TRAPPC12: variants seen among roughly 807,000 people sequenced by gnomAD.
The protein encoded by TRAPPC12 is trafficking protein particle complex subunit 12.
Under a neutral mutation model 69.2 loss-of-function variants are expected in TRAPPC12, and 61 were observed. The ratio of observed to expected loss-of-function variants is 0.88; its 90% CI spans 0.72 to 1.09. The LOEUF (loss-of-function observed/expected upper bound fraction) is 1.09, where lower values mean the gene tolerates loss of function less well. TRAPPC12 is among the 50% of genes least tolerant of loss of function. The pLI is 0.00. For missense variants in TRAPPC12, 1,101 were observed against 1,016.4 expected (o/e 1.08, Z -1.13); for synonymous variants, 469 against 438.9 (o/e 1.07, Z -0.86).
chr2:3,473,092 AGAG>A (rs904403039), intron 9 of TRAPPC12, among the ~76,000 whole-genome samples: 2 of 152,342 alleles, frequency 1.3e-5, no homozygotes, highest in Non-Finnish European at 1.5e-5. Flanking sequence ...CTTGTCTGGT[AGAG>A]GAGGCTTCTG....
intron 2 of TRAPPC12, among the ~76,000 whole-genome samples, chr2:3,401,567 G>C (rs1171639229): frequency 6.6e-6 from 1 of 152,172 alleles, no homozygotes; most frequent in East Asian, 1.9e-4. Flanking sequence ...AAAATAAAAA[G>C]AATAAAGAGC....
At chr2:3,379,970 G>T (rs12992865) in intron 1 of TRAPPC12, 94 bp downstream of exon 1, 1 of 152,354 alleles carries the variant, frequency 6.6e-6, no homozygotes, top group Non-Finnish European at 1.5e-5. Context: ...AGCCCGGAGG[G>T]ACCTTCTCTG....
intron 3 of TRAPPC12, among the ~76,000 whole-genome samples, chr2:3,411,186 A>C (rs1043562299): frequency 1.3e-5 from 2 of 152,190 alleles, no homozygotes; most frequent in Non-Finnish European, 2.9e-5. Context: ...TGCTATACTT[A>C]GTAGTAACTT....
chr2:3,423,517 C>T (rs530198351), intron 4 of TRAPPC12, among the ~76,000 whole-genome samples: 21 of 152,070 alleles, frequency 1.4e-4, no homozygotes, highest in African/African-American at 4.1e-4. Context: ...TCCCCACCCC[C>T]AGCCCCGGCA....
chr2:3,463,062 G>C (rs901286569), intron 8 of TRAPPC12: 1 of 427,010 alleles, frequency 2.3e-6, no homozygotes, highest in Admixed American at 2.5e-5. Context: ...AAATAGACTT[G>C]TCCCTGGAAG....
At chr2:3,391,911 A>C (rs189490806) in intron 2 of TRAPPC12, among the ~76,000 whole-genome samples, 1 of 151,226 alleles carries the variant, frequency 6.6e-6, no homozygotes, top group East Asian at 1.9e-4. Flanking sequence ...CTTTCTTTCA[A>C]ACCCTCTGTT....
In TRAPPC12 at chr2:3,477,715, T is replaced by C. The variant is rs373854524; in HGVS notation, c.1797T>C (p.Ala599=). The C allele has an allele frequency of 5.6e-6, 9 of 1,606,944 alleles. No homozygotes were observed. The African/African-American group carries it at 1.2e-4, about 22-fold the overall frequency. The change falls in exon 10 of 12, where the codon GCT becomes GCC. Residue 599 remains alanine (A), a synonymous_variant. Transcript: ENST00000324266. ...ISLQIGDIKT[A]EKYFQDVEKV... is the part of the protein sequence containing the mutation. ...AGCAGATTGGAGACATAAAAACAGC[T>C]GAAAAGTATTTTCAAGACGTTGAGA...
chr2:3,388,631 G>C lies in TRAPPC12; in HGVS notation c.1008G>C (p.Glu336Asp). The C allele has an allele frequency of 6.3e-7, 1 of 1,588,682 alleles. No individual in the cohort carries two copies. Among genetic ancestry groups the C allele is most frequent in the Non-Finnish European group, 8.6e-7 (1 of 1,165,584 alleles). Residue 336 changes from glutamate to aspartate, a missense_variant, in exon 2 of 12, where the codon GAG becomes GAC. Glu to Asp is a conservative substitution (Grantham distance 45, BLOSUM62 2). Coordinates refer to ENST00000324266, the MANE Select transcript of TRAPPC12 (RefSeq NM_016030.6). The stretch of plus-strand genomic sequence containing the variant: ...GCGGCGCCGTGTTCGTGGACAAGGA[G>C]AACCTCACCATGCCGGGCCTCAGGT... ...QQRGAVFVDK[E>D]NLTMPGLRFD... is the part of the protein sequence containing the mutation.
intron 1 of TRAPPC12, among the ~76,000 whole-genome samples, chr2:3,381,909 A>G (rs949232722): frequency 6.6e-6 from 1 of 152,186 alleles, no homozygotes; most frequent in South Asian, 2.1e-4. Flanking sequence ...TGGATTCAAC[A>G]CTTTTGTTTA....
Position 3,477,756 on chromosome 2 carries a change from T to A in TRAPPC12, c.1838T>A (p.Leu613Ter). The A allele has an allele frequency of 6.2e-7, 1 of 1,608,042 alleles. No homozygotes were observed. The highest frequency in any genetic ancestry group is 2.2e-5 in the East Asian group (1 of 44,822). ...FQDVEKVTQKLDGLQGKIMVL... is the reference protein window; with the variant it reads ...FQDVEKVTQK ...GACGTTGAGAAAGTAACACAGAAAT[T>A]AGATGGACTACAGGGTAAAATCATG... Residue 613 changes from leucine (L) to a stop codon, truncating the protein, a stop_gained, in exon 10 of 12, where the codon TTA becomes TAA. Transcript: ENST00000324266. LOFTEE classifies it high-confidence loss of function.
chr2:3,452,674 A>G (rs1175457091), intron 6 of TRAPPC12, among the ~76,000 whole-genome samples: 4 of 152,218 alleles, frequency 2.6e-5, no homozygotes, highest in Admixed American at 2.6e-4. Context: ...CCAGCAGCCA[A>G]ACCTCAGAGC....
rs183323851 is a variant in TRAPPC12, at chr2:3,422,445, G to A, written c.1278+451G>A. On this transcript the variant is annotated intron_variant, in intron 4 of 11. Coordinates refer to ENST00000324266, the MANE Select transcript of TRAPPC12 (RefSeq NM_016030.6). ...TTTAAAAAAAAAGAAAAAAGAAAAGGGAATGCACAAAATAGACTTGTGAAC... is the reference window on the plus strand; with the variant it reads ...TTTAAAAAAAAAGAAAAAAGAAAAGAGAATGCACAAAATAGACTTGTGAAC... Among the ~76,000 whole-genome samples the A allele has an allele frequency of 3.1e-3, 476 of 152,266 alleles. 4 individuals carry two copies. Among genetic ancestry groups the A allele is most frequent in the African/African-American group, 6.7e-3 (277 of 41,548 alleles).
intron 8 of TRAPPC12, among the ~76,000 whole-genome samples, chr2:3,462,068 A>G (rs1445797310): frequency 6.6e-6 from 1 of 152,262 alleles, no homozygotes; most frequent in Non-Finnish European, 1.5e-5. Context: ...TGAAGAATCA[A>G]TTATAAATTC....
At chr2:3,460,032 G>T in intron 7 of TRAPPC12, 1 of 616,722 alleles carries the variant, frequency 1.6e-6, no homozygotes. Context: ...CACCCTCCTG[G>T]TTCTCTGATG....
intron 8 of TRAPPC12, among the ~76,000 whole-genome samples, chr2:3,461,378 G>A (rs1665489558): frequency 6.7e-6 from 1 of 149,590 alleles, no homozygotes; most frequent in African/African-American, 2.6e-5. Context: ...TGCCCAGTGC[G>A]GGGCCGCTGC....
At chr2:3,390,532 C>T (rs949938288) in intron 2 of TRAPPC12, among the ~76,000 whole-genome samples, 1 of 152,122 alleles carries the variant, frequency 6.6e-6, no homozygotes, top group Non-Finnish European at 1.5e-5. Context: ...CTCACCTCAT[C>T]TTTGCAATGG....
chr2:3,439,743 G>A (rs1412571789), intron 5 of TRAPPC12, among the ~76,000 whole-genome samples: 1 of 152,036 alleles, frequency 6.6e-6, no homozygotes, highest in African/African-American at 2.4e-5. Flanking sequence ...TTTTGGTGTT[G>A]TATCTAAAAG....
rs149516130 is a variant in TRAPPC12 at position 3,388,433 on chromosome 2, A to T, written c.810A>T (p.Ala270=). The T allele has an allele frequency of 6.2e-7, 1 of 1,607,248 alleles. No homozygotes were observed. Among genetic ancestry groups the T allele is most frequent in the African/African-American group, 1.3e-5 (1 of 74,908 alleles). The change falls in exon 2 of 12, where the codon GCA becomes GCT. Residue 270 remains alanine (A), a synonymous_variant. Transcript: ENST00000324266. The stretch of plus-strand genomic sequence containing the variant: ...CCGTGGCCATGCGAGGGCCCCAGGC[A>T]GCTGCGCCCCCGGCGTCGCCAGAGC... ...PEPVAMRGPQ[A]AAPPASPEPF... is the part of the protein sequence containing the mutation.
chr2:3,411,227 T>C (rs1203250190), intron 3 of TRAPPC12, among the ~76,000 whole-genome samples: 1 of 152,200 alleles, frequency 6.6e-6, no homozygotes, highest in Admixed American at 6.5e-5. Flanking sequence ...GAAAATGCTG[T>C]ATTATTTCAA....
Sources: gnomAD v4.1 joint callset for allele counts (sites outside exome capture counted in the v4.1 genomes callset) on GRCh38, gnomAD v4.1.1 for gene constraint, MANE v1.5 for transcripts, NCBI Gene and HGNC (gene_info 2026-07-23, HGNC 2026-07-21) for gene names.